FABP12: variants seen among roughly 807,000 people sequenced by gnomAD.
The protein encoded by FABP12 is fatty acid binding protein 12, also known as fatty acid-binding protein 12.
A neutral mutation model predicts 13.7 loss-of-function variants in FABP12; 19 were observed. The ratio of observed to expected loss-of-function variants is 1.39; its 90% CI spans 0.97 to 2.04. The LOEUF is 2.04. Ranked by LOEUF, FABP12 falls within the 30% of genes most tolerant of loss-of-function variation. The pLI is 0.00. For missense variants in FABP12, 182 were observed against 164.2 expected, an observed-to-expected ratio of 1.11 and a Z score of -0.59; for synonymous variants, 61 against 57.0, an observed-to-expected ratio of 1.07 and a Z score of -0.32.
chr8:81,583,584 A>G (rs971806496), intron 1 of FABP12, among the ~76,000 whole-genome samples: 6 of 152,142 alleles, frequency 3.9e-5, no homozygotes, highest in African/African-American at 1.4e-4. Flanking sequence ...AAAAAACTGG[A>G]AAGACTGGGG....
intron 1 of FABP12, among the ~76,000 whole-genome samples, chr8:81,549,256 C>A (rs1809488510): frequency 6.6e-6 from 1 of 151,206 alleles, no homozygotes; most frequent in Non-Finnish European, 1.5e-5. Flanking sequence ...CACACACATG[C>A]ACGTACACAC....
At chr8:81,565,741 A>G (rs533052482) in intron 1 of FABP12, among the ~76,000 whole-genome samples, 4 of 152,168 alleles carry the variant, frequency 2.6e-5, no homozygotes, top group Non-Finnish European at 4.4e-5. Flanking sequence ...CTTCAAATAT[A>G]CAACCTAATG....
intron 1 of FABP12, among the ~76,000 whole-genome samples, chr8:81,557,123 C>T (rs1809634878): frequency 6.6e-6 from 1 of 152,060 alleles, no homozygotes; most frequent in Admixed American, 6.5e-5. Flanking sequence ...GATCCGCCCA[C>T]CTCAGCCTCC....
At chr8:81,560,043 T>C (rs1282449427) in intron 1 of FABP12, among the ~76,000 whole-genome samples, 2 of 152,214 alleles carry the variant, frequency 1.3e-5, no homozygotes, top group Non-Finnish European at 2.9e-5. Context: ...CAATCTCTTA[T>C]TATGAATTCA....
Position 81,527,001 on chromosome 8 carries a change from C to T in FABP12, c.348+19G>A, listed in dbSNP as rs768829609. On this transcript the variant is annotated intron_variant, in intron 4 of 4. Transcript: ENST00000360464. ...GTCGTTGCAGAAGGTGGGAAGAAAG[C>T]GAGGATGGGCTAACTCACCACCACC... 2.1e-5 allele frequency: 31 copies of T among 1,465,196 alleles called. No homozygotes were observed. The Admixed American group carries it at 2.3e-4, about 11-fold the overall frequency. The allele number at this position is 1,465,196 out of a possible 1,614,324, so 90.8% of individuals were successfully genotyped here. A position where few individuals can be genotyped will look rare whatever the true frequency, so the allele number is the denominator to read the frequency against.
intron 1 of FABP12, among the ~76,000 whole-genome samples, chr8:81,531,751 C>T (rs889211808): frequency 6.6e-6 from 1 of 152,148 alleles, no homozygotes; most frequent in Non-Finnish European, 1.5e-5. Flanking sequence ...AATTTATTGG[C>T]TGTTTGAAGA....
At chr8:81,560,261 T>C (rs908928399) in intron 1 of FABP12, among the ~76,000 whole-genome samples, 1 of 152,192 alleles carries the variant, frequency 6.6e-6, no homozygotes, top group East Asian at 1.9e-4. Flanking sequence ...TAATCACTTC[T>C]ATTCTCTATT....
intron 1 of FABP12, among the ~76,000 whole-genome samples, chr8:81,569,323 C>T (rs1247181969): frequency 1.3e-5 from 2 of 152,260 alleles, no homozygotes; most frequent in East Asian, 1.9e-4. Flanking sequence ...AAACCAAGAT[C>T]GCCATCAAAC....
chr8:81,564,956 A>G (rs994957386), intron 1 of FABP12, among the ~76,000 whole-genome samples: 5 of 152,072 alleles, frequency 3.3e-5, no homozygotes, highest in Non-Finnish European at 7.4e-5. Flanking sequence ...TTCACATGTA[A>G]TGACACATAT....
At chr8:81,572,121 C>T (rs563269528) in intron 1 of FABP12, among the ~76,000 whole-genome samples, 2 of 151,116 alleles carry the variant, frequency 1.3e-5, no homozygotes, top group African/African-American at 4.9e-5. Flanking sequence ...ACTCTTCCCC[C>T]CCAAGTCCCC....
chr8:81,543,523 A>G (rs1430880784), intron 1 of FABP12, among the ~76,000 whole-genome samples: 1 of 152,222 alleles, frequency 6.6e-6, no homozygotes, highest in Non-Finnish European at 1.5e-5. Context: ...ATGAGAAGTT[A>G]TGTTTCAGAG....
intron 4 of FABP12, among the ~76,000 whole-genome samples, chr8:81,525,529 A>ATAG (rs1554576046): frequency 5.9e-4 from 88 of 150,056 alleles, no homozygotes; most frequent in African/African-American, 2.1e-3. Context: ...AAAAAAAAAA[A>ATAG]ATAGATAGAT....
At chr8:81,563,286 T>G (rs1418092383) in intron 1 of FABP12, among the ~76,000 whole-genome samples, 1 of 152,148 alleles carries the variant, frequency 6.6e-6, no homozygotes, top group Non-Finnish European at 1.5e-5. Context: ...GCAAGTCCCT[T>G]CAAATACCTA....
intron 3 of FABP12, among the ~76,000 whole-genome samples, chr8:81,528,434 C>A (rs1311463449): frequency 6.6e-6 from 1 of 152,168 alleles, no homozygotes; most frequent in Non-Finnish European, 1.5e-5. Context: ...CCATATTAAG[C>A]ATTTAAGTCA....
chr8:81,525,807 C>T (rs1808886225), intron 4 of FABP12: 1 of 152,126 alleles, frequency 6.6e-6, no homozygotes, highest in African/African-American at 2.4e-5. Flanking sequence ...AATGATAATA[C>T]TAGCTTACAT....
At chr8:81,581,986 G>GA (rs1240393847) in intron 1 of FABP12, among the ~76,000 whole-genome samples, 1 of 147,164 alleles carries the variant, frequency 6.8e-6, no homozygotes, top group Non-Finnish European at 1.5e-5. Flanking sequence ...AGGAGAGAAA[G>GA]AAAAAAACAA....
upstream of FABP12, among the ~76,000 whole-genome samples, chr8:81,535,607 A>C (rs975278893): frequency 7.2e-5 from 11 of 152,182 alleles, no homozygotes; most frequent in African/African-American, 2.2e-4. Context: ...TCACTCTAAC[A>C]TGATGATTTG....
intron 1 of FABP12, among the ~76,000 whole-genome samples, chr8:81,582,751 T>G (rs979352148): frequency 1.3e-5 from 2 of 152,120 alleles, no homozygotes; most frequent in African/African-American, 4.8e-5. Flanking sequence ...TGTAATACAG[T>G]AATAGTTGGG....
intron 1 of FABP12, among the ~76,000 whole-genome samples, chr8:81,544,533 G>A (rs770898356): frequency 6.6e-6 from 1 of 151,968 alleles, no homozygotes; most frequent in Non-Finnish European, 1.5e-5. Flanking sequence ...ATATTTTTTT[G>A]AGGGTGACCA....
Sources: gnomAD v4.1 joint callset for allele counts (sites outside exome capture counted in the v4.1 genomes callset) on GRCh38, gnomAD v4.1.1 for gene constraint, MANE v1.5 for transcripts, NCBI Gene and HGNC (gene_info 2026-07-23, HGNC 2026-07-21) for gene names.